Variants in DACH1 observed in about 807,000 individuals in gnomAD.
DACH1 encodes dachshund homolog 1.
A neutral mutation model predicts 54.2 loss-of-function variants in DACH1; 12 were observed. That is an observed-to-expected ratio of 0.22 (90% CI 0.14 to 0.36). DACH1 has a LOEUF of 0.36. Among genes scored for constraint, DACH1 ranks in the 10% least tolerant of loss-of-function variants. DACH1 has a pLI of 1.00. For missense variants in DACH1, 805 were observed against 929.8 expected (o/e 0.87, Z 1.75); for synonymous variants, 386 against 366.2 (o/e 1.05, Z -0.62).
At chr13:71,610,574 G>A (rs569260219) in intron 3 of DACH1, among the ~76,000 whole-genome samples, 221 of 152,094 alleles carry the variant, frequency 1.5e-3, no homozygotes, top group African/African-American at 5.2e-3. Flanking sequence ...ATAGGCACTG[G>A]CAAAGATTCA....
chr13:71,750,017 A>G (rs1884850923), intron 1 of DACH1, among the ~76,000 whole-genome samples: 1 of 152,212 alleles, frequency 6.6e-6, no homozygotes, highest in Admixed American at 6.5e-5. Context: ...TTATGGAAGC[A>G]CCTACTATGT....
chr13:71,528,425 C>CT (rs71198120), intron 6 of DACH1, among the ~76,000 whole-genome samples: 59,616 of 110,952 alleles, frequency 0.54, 19,025 homozygotes, highest in Non-Finnish European at 0.66. Context: ...AACAGATTTT[C>CT]TTTTTTTTTT....
intron 1 of DACH1, among the ~76,000 whole-genome samples, chr13:71,717,564 C>A (rs1034326034): frequency 2.0e-5 from 3 of 150,712 alleles, no homozygotes; most frequent in Non-Finnish European, 2.9e-5. Flanking sequence ...TGCCTCTATG[C>A]CCGCTTAGAT....
intron 3 of DACH1, among the ~76,000 whole-genome samples, chr13:71,584,144 C>T (rs770744784): frequency 1.3e-5 from 2 of 152,120 alleles, no homozygotes; most frequent in Non-Finnish European, 2.9e-5. Flanking sequence ...GGTAAATGCA[C>T]CTTGTTAAAC....
chr13:71,585,397 G>A (rs1332849989), intron 3 of DACH1, among the ~76,000 whole-genome samples: 1 of 152,180 alleles, frequency 6.6e-6, no homozygotes, highest in Non-Finnish European at 1.5e-5. Context: ...TCATTTTACA[G>A]CAAAGGAAGC....
At chr13:71,818,242 C>T (rs1487895756) in intron 1 of DACH1, among the ~76,000 whole-genome samples, 4 of 152,106 alleles carry the variant, frequency 2.6e-5, no homozygotes, top group Non-Finnish European at 5.9e-5. Flanking sequence ...GAAATATATG[C>T]TATAATTAGG....
chr13:71,660,197 G>A (rs1014843572), intron 2 of DACH1, among the ~76,000 whole-genome samples: 16 of 152,042 alleles, frequency 1.1e-4, no homozygotes, highest in Admixed American at 2.6e-4. Context: ...AGCCGAAATT[G>A]CCCTGAGCAC....
chr13:71,589,663 T>C (rs1217634325), intron 3 of DACH1, among the ~76,000 whole-genome samples: 1 of 151,938 alleles, frequency 6.6e-6, no homozygotes, highest in Non-Finnish European at 1.5e-5. Context: ...TATTGACGTT[T>C]TGATTCACCT....
At chr13:71,649,274 G>C (rs891026649) in intron 2 of DACH1, among the ~76,000 whole-genome samples, 1 of 152,126 alleles carries the variant, frequency 6.6e-6, no homozygotes, top group Non-Finnish European at 1.5e-5. Context: ...GCTCAACGAT[G>C]CACACACAAG....
rs1262392205 is a variant in DACH1 at position 71,742,879 on chromosome 13, T to C, written c.849-60969A>G. ...CTACTCAGCATCTCCTCTCTAAAGA[T>C]AGTCTAATAATTTTTATTCCATGTG... On this transcript the variant is annotated intron_variant, in intron 1 of 10. Transcript: ENST00000613252. Among the ~76,000 whole-genome samples, 5 of 152,288 alleles carry C rather than the reference T, an allele frequency of 3.3e-5. No homozygotes were observed. In the East Asian group the frequency reaches 7.7e-4, roughly 23 times the overall value.
At chr13:71,804,720 A>T (rs1334748649) in intron 1 of DACH1, among the ~76,000 whole-genome samples, 1 of 152,122 alleles carries the variant, frequency 6.6e-6, no homozygotes, top group African/African-American at 2.4e-5. Flanking sequence ...GTTTGTCTAC[A>T]TTTCTGTTTC....
chr13:71,757,522 C>CTTTTTTTTTT (rs71126504), intron 1 of DACH1, among the ~76,000 whole-genome samples: 1 of 128,936 alleles, frequency 7.8e-6, no homozygotes, highest in East Asian at 2.2e-4. Flanking sequence ...TTTAAAGGTA[C>CTTTTTTTTTT]TTTTTTTTTT....
chr13:71,765,686 T>C (rs1885589621), intron 1 of DACH1, among the ~76,000 whole-genome samples: 1 of 152,152 alleles, frequency 6.6e-6, no homozygotes, highest in South Asian at 2.1e-4. Context: ...ACTGTTGAAA[T>C]GTCTTCATAC....
chr13:71,712,284 T>C (rs1192283006), intron 1 of DACH1, among the ~76,000 whole-genome samples: 1 of 152,056 alleles, frequency 6.6e-6, no homozygotes, highest in Non-Finnish European at 1.5e-5. Flanking sequence ...AACCTTTTTT[T>C]TGAATATCAA....
At chr13:71,582,922 A>C (rs1275358470) in intron 3 of DACH1, among the ~76,000 whole-genome samples, 1 of 152,158 alleles carries the variant, frequency 6.6e-6, no homozygotes, top group Non-Finnish European at 1.5e-5. Context: ...TTTATACTCC[A>C]ATTTGGGGAA....
intron 2 of DACH1, among the ~76,000 whole-genome samples, chr13:71,635,998 G>A (rs956937584): frequency 6.6e-6 from 1 of 152,006 alleles, no homozygotes; most frequent in Non-Finnish European, 1.5e-5. Context: ...TGGATAGGCT[G>A]GTCTCGAACT....
chr13:71,645,584 T>C lies in DACH1; in HGVS notation c.965-14867A>G, dbSNP rs568534067. Among the ~76,000 whole-genome samples, 6 of 152,224 alleles carry C rather than the reference T, an allele frequency of 3.9e-5. No homozygotes were observed. In the South Asian group the frequency reaches 1.2e-3, roughly 32 times the overall value. On this transcript the variant is annotated intron_variant, in intron 2 of 10. Transcript: ENST00000613252. ...TGGGCTTGGGAAAGTTGTGCTACAG[T>C]ACACAGGGAGGATAAGAATAAGGAA...
Position 71,505,861 on chromosome 13 carries a change from A to G in DACH1, c.1571-16713T>C, listed in dbSNP as rs867786768. Among the ~76,000 whole-genome samples, 46 of 152,240 alleles carry G rather than the reference A, an allele frequency of 3.0e-4. 1 individual carries two copies. Among genetic ancestry groups the G allele is most frequent in the African/African-American group, 1.1e-3 (45 of 41,560 alleles). ...AAGATTAACAAATTATAAGTGGCAT[A>G]CAGACTGAAAGGCAATTTCCATAAA... On this transcript the variant is annotated intron_variant, in intron 6 of 10. Transcript: ENST00000613252.
chr13:71,834,406 A>G (rs75505477), intron 1 of DACH1, among the ~76,000 whole-genome samples: 12,455 of 152,066 alleles, frequency 0.082, 1,574 homozygotes, highest in African/African-American at 0.27. Context: ...AAAGGTTCTC[A>G]TATAACACGC....
Sources: gnomAD v4.1 joint callset for allele counts (sites outside exome capture counted in the v4.1 genomes callset) on GRCh38, gnomAD v4.1.1 for gene constraint, MANE v1.5 for transcripts, NCBI Gene and HGNC (gene_info 2026-07-23, HGNC 2026-07-21) for gene names.